ARHGAP10: variants seen among roughly 807,000 people sequenced by gnomAD.
The protein encoded by ARHGAP10 is rho GTPase-activating protein 10.
A neutral mutation model predicts 108.6 loss-of-function variants in ARHGAP10; 87 were observed. The observed-to-expected ratio is 0.80, with a 90% CI of 0.67 to 0.96. ARHGAP10 has a LOEUF of 0.96. Ranked by LOEUF, ARHGAP10 falls within the 40% of genes least tolerant of loss-of-function variation. ARHGAP10 has a pLI of 0.00. For synonymous variants in ARHGAP10, 347 were observed against 341.1 expected, an observed-to-expected ratio of 1.02 and a Z score of -0.19; for missense variants, 939 against 954.5, an observed-to-expected ratio of 0.98 and a Z score of 0.21.
intron 1 of ARHGAP10, among the ~76,000 whole-genome samples, chr4:147,752,892 C>T (rs182646312): frequency 2.1e-3 from 322 of 152,240 alleles, no homozygotes; most frequent in African/African-American, 7.3e-3. Flanking sequence ...GCCTGTGTTG[C>T]CATTTTATTT....
At chr4:147,849,680 G>A (rs1165203924) in intron 4 of ARHGAP10, among the ~76,000 whole-genome samples, 1 of 152,080 alleles carries the variant, frequency 6.6e-6, no homozygotes, top group East Asian at 1.9e-4. Context: ...TACCTTCTCC[G>A]GTTTCCAGAA....
chr4:147,896,503 A>G (rs1033644923), intron 10 of ARHGAP10, among the ~76,000 whole-genome samples: 1 of 152,028 alleles, frequency 6.6e-6, no homozygotes, highest in African/African-American at 2.4e-5. Context: ...TGTTCCTTTC[A>G]TATCTATAGG....
At chr4:147,782,741 A>G (rs912895140) in intron 1 of ARHGAP10, 2 of 151,894 alleles carry the variant, frequency 1.3e-5, no homozygotes, top group Non-Finnish European at 3.0e-5. Context: ...AGGAAAGAAG[A>G]GACTTCTGGA....
intron 14 of ARHGAP10, among the ~76,000 whole-genome samples, chr4:147,942,283 C>T (rs970089757): frequency 6.6e-6 from 1 of 152,088 alleles, no homozygotes; most frequent in Non-Finnish European, 1.5e-5. Flanking sequence ...GAAACAGTCC[C>T]AAGCCATGTA....
At chr4:147,801,761 C>T (rs890872251) in intron 1 of ARHGAP10, among the ~76,000 whole-genome samples, 2 of 152,198 alleles carry the variant, frequency 1.3e-5, no homozygotes, top group African/African-American at 4.8e-5. Flanking sequence ...ATCAGGTCAT[C>T]GCTGTTTACT....
At chr4:147,741,664 A>G (rs1420243279) in intron 1 of ARHGAP10, among the ~76,000 whole-genome samples, 1 of 151,950 alleles carries the variant, frequency 6.6e-6, no homozygotes, top group African/African-American at 2.4e-5. Context: ...TTGTATTGAG[A>G]AGGCCTTGAT....
chr4:147,828,902 A>C (rs1044442942), intron 3 of ARHGAP10, among the ~76,000 whole-genome samples: 3 of 136,624 alleles, frequency 2.2e-5, no homozygotes, highest in Admixed American at 7.5e-5. Context: ...TTTGAGATGG[A>C]GTTTCGTTCT....
intron 1 of ARHGAP10, among the ~76,000 whole-genome samples, chr4:147,767,957 A>G (rs1729902013): frequency 6.6e-6 from 1 of 152,244 alleles, no homozygotes; most frequent in Admixed American, 6.5e-5. Context: ...AATGTGTTAT[A>G]TATGAATATA....
chr4:147,886,690 A>T (rs530827047), intron 10 of ARHGAP10, among the ~76,000 whole-genome samples: 1 of 152,158 alleles, frequency 6.6e-6, no homozygotes, highest in Non-Finnish European at 1.5e-5. Flanking sequence ...TACTGTATTC[A>T]TGGGATCACT....
chr4:147,900,131 C>A (rs1207423409), intron 10 of ARHGAP10, among the ~76,000 whole-genome samples: 1 of 152,090 alleles, frequency 6.6e-6, no homozygotes, highest in Non-Finnish European at 1.5e-5. Context: ...TTTGATAGAG[C>A]TATAGAACAT....
At chr4:147,776,830 G>T (rs1023851077) in intron 1 of ARHGAP10, among the ~76,000 whole-genome samples, 1 of 152,222 alleles carries the variant, frequency 6.6e-6, no homozygotes, top group Non-Finnish European at 1.5e-5. Flanking sequence ...GTTGGAGGCT[G>T]AGACAGCAAA....
chr4:147,993,994 A>G (rs1560864208), intron 18 of ARHGAP10, among the ~76,000 whole-genome samples: 1 of 152,206 alleles, frequency 6.6e-6, no homozygotes, highest in Admixed American at 6.5e-5. Context: ...ATGCAAGAAA[A>G]TGAAGCTTGG....
intron 1 of ARHGAP10, among the ~76,000 whole-genome samples, chr4:147,757,443 G>A (rs768266119): frequency 6.6e-6 from 1 of 152,080 alleles, no homozygotes; most frequent in African/African-American, 2.4e-5. Flanking sequence ...CAATCTGCCC[G>A]CCTCGGCCTT....
chr4:147,887,619 T>C (rs1290088997), intron 10 of ARHGAP10, among the ~76,000 whole-genome samples: 1 of 152,070 alleles, frequency 6.6e-6, no homozygotes, highest in African/African-American at 2.4e-5. Flanking sequence ...CCCAGCACTT[T>C]GGGAAGCCGA....
intron 13 of ARHGAP10, among the ~76,000 whole-genome samples, chr4:147,919,577 CT>C (rs796967278): frequency 1.3e-4 from 19 of 141,924 alleles, no homozygotes; most frequent in African/African-American, 2.8e-4. Context: ...ATTTTTTTTT[CT>C]TTTTTTTTTG....
At chr4:147,973,235 A>T (rs1342567320) in intron 18 of ARHGAP10, among the ~76,000 whole-genome samples, 1 of 152,240 alleles carries the variant, frequency 6.6e-6, no homozygotes, top group Non-Finnish European at 1.5e-5. Context: ...GAGCAGGACC[A>T]CTAGTGCCTG....
intron 13 of ARHGAP10, among the ~76,000 whole-genome samples, chr4:147,919,240 C>T (rs752020633): frequency 6.6e-6 from 1 of 152,078 alleles, no homozygotes; most frequent in South Asian, 2.1e-4. Context: ...AATATATGAC[C>T]TATGGATATT....
At chr4:147,902,760 G>A (rs1419298100) in intron 10 of ARHGAP10, among the ~76,000 whole-genome samples, 1 of 151,978 alleles carries the variant, frequency 6.6e-6, no homozygotes, top group Non-Finnish European at 1.5e-5. Context: ...GAAGGGGAGG[G>A]GAAGGGAGGT....
chr4:147,848,812 C>G (rs1383277634), intron 4 of ARHGAP10, among the ~76,000 whole-genome samples: 2 of 152,188 alleles, frequency 1.3e-5, no homozygotes, highest in South Asian at 4.1e-4. Context: ...CCTAAACTTT[C>G]CAGCTTCTGA....
Sources: gnomAD v4.1 joint callset for allele counts (sites outside exome capture counted in the v4.1 genomes callset) on GRCh38, gnomAD v4.1.1 for gene constraint, MANE v1.5 for transcripts, NCBI Gene and HGNC (gene_info 2026-07-23, HGNC 2026-07-21) for gene names.